Variants in DCAF6 observed in about 807,000 individuals in gnomAD.
DCAF6 encodes DDB1- and CUL4-associated factor 6.
DCAF6 carries 54 observed loss-of-function variants against 125.1 expected under a neutral mutation model. That is an observed-to-expected ratio of 0.43 (90% CI 0.35 to 0.54). The LOEUF is 0.54. DCAF6 is among the 20% of genes least tolerant of loss of function. DCAF6 has a pLI of 0.01. For missense variants in DCAF6, 934 were observed against 1,161.7 expected (o/e 0.80, Z 2.85); for synonymous variants, 371 against 390.4 (o/e 0.95, Z 0.58).
chr1:167,901,093 C>T, the DCAF6 span, among the ~76,000 whole-genome samples: 17 of 152,102 alleles, frequency 1.1e-4, no homozygotes, highest in Non-Finnish European at 1.9e-4. Context: ...ATATAGTGTG[C>T]GTAATGTTTG....
chr1:168,064,970 C>T (rs1286767942), intron 18 of DCAF6, among the ~76,000 whole-genome samples: 1 of 152,110 alleles, frequency 6.6e-6, no homozygotes, highest in Admixed American at 6.6e-5. Flanking sequence ...TAATGATCTT[C>T]TTTCTATTCT....
the DCAF6 span, among the ~76,000 whole-genome samples, chr1:167,929,423 C>T: frequency 2.0e-5 from 3 of 152,060 alleles, no homozygotes; most frequent in Non-Finnish European, 4.4e-5. Flanking sequence ...ATGAAAAATA[C>T]TGACTATAAG....
chr1:167,925,452 T>C, the DCAF6 span, among the ~76,000 whole-genome samples: 1 of 112,588 alleles, frequency 8.9e-6, no homozygotes, highest in Non-Finnish European at 1.8e-5. Flanking sequence ...CATATATATA[T>C]ATATATATAT....
chr1:168,021,217 A>C (rs1193160180), intron 11 of DCAF6, among the ~76,000 whole-genome samples: 1 of 152,146 alleles, frequency 6.6e-6, no homozygotes, highest in African/African-American at 2.4e-5. Context: ...TTTTTTAGAA[A>C]AAATAAATGT....
rs1681137156 is a variant in DCAF6 at position 167,993,290 on chromosome 1, T to G, written c.753T>G (p.Asn251Lys). The change falls in exon 7 of 22, where the codon AAT (asparagine) becomes AAG (lysine). Residue 251 changes from asparagine (N) to lysine (K), a missense_variant. Transcript: ENST00000367840. ...VARFIPSHLN[N>K]KSCRVTSLCY... ...GTTTTATTCCTTCCCATCTTAATAATAAGTCCTGCAGAGTGACATCTCTGT... is the reference window on the plus strand; with the variant it reads ...GTTTTATTCCTTCCCATCTTAATAAGAAGTCCTGCAGAGTGACATCTCTGT... 1 of 1,613,970 alleles carries G rather than the reference T, an allele frequency of 6.2e-7. No homozygotes were observed. Among genetic ancestry groups the G allele is most frequent in the African/African-American group, 1.3e-5 (1 of 74,932 alleles).
chr1:168,044,969 A>G lies in DCAF6; in HGVS notation c.2000A>G (p.Asp667Gly). The G allele has an allele frequency of 6.2e-7, 1 of 1,614,132 alleles. No homozygotes were observed. The highest frequency in any genetic ancestry group is 8.5e-7 in the Non-Finnish European group (1 of 1,179,978). ...GGAGAAAGAAATGACCTCAATCTTG[A>G]TCGCTCTTGTGGGGTTCCAGAAGAA... is the stretch of plus-strand genomic sequence containing the variant. ...NSGERNDLNL[D>G]RSCGVPEESA... The change falls in exon 16 of 22, where the codon GAT (aspartate) becomes GGT (glycine). Residue 667 changes from aspartate to glycine, a missense_variant. Coordinates refer to ENST00000367840, the MANE Select transcript of DCAF6 (RefSeq NM_001198956.2).
chr1:167,994,603 A>G (rs561673344), intron 7 of DCAF6, among the ~76,000 whole-genome samples: 1 of 152,338 alleles, frequency 6.6e-6, no homozygotes, highest in East Asian at 1.9e-4. Flanking sequence ...CTTTCACAAG[A>G]CTACTAGAAG....
chr1:168,065,666 G>T lies in DCAF6; in HGVS notation c.2516G>T (p.Arg839Leu). Residue 839 changes from arginine to leucine, a missense_variant, in exon 19 of 22, where the codon CGG (arginine) becomes CTG (leucine). Physicochemically the swap from Arg to Leu is moderately radical, Grantham distance 102 (BLOSUM62 -2). Transcript: ENST00000367840. ...SDCGHIFIWD[R>L]HTAEHLMLLE... ...TGTGGCCACATTTTCATCTGGGATC[G>T]GCACACTGCTGAGCATTTGATGCTT... The T allele has an allele frequency of 6.2e-7, 1 of 1,613,248 alleles. No homozygotes were observed. Among genetic ancestry groups the T allele is most frequent in the Non-Finnish European group, 8.5e-7 (1 of 1,179,570 alleles).
chr1:168,059,077 T>C lies in DCAF6; in HGVS notation c.2301-4544T>C, dbSNP rs1691264736. On this transcript the variant is annotated intron_variant, in intron 17 of 21. Transcript: ENST00000367840. ...TTTCACATTAAATTTTATCAATCTT[T>C]TATGCTTGTCACTTTCTTTTATTTA... 3.3e-5 allele frequency among the ~76,000 whole-genome samples: 5 copies of C among 152,340 alleles called. No individual in the cohort carries two copies. In the South Asian group the frequency reaches 1.0e-3, roughly 32 times the overall value.
At chr1:167,946,548 G>T (rs1673115673) in intron 1 of DCAF6, among the ~76,000 whole-genome samples, 1 of 152,074 alleles carries the variant, frequency 6.6e-6, no homozygotes. Flanking sequence ...TGATCTTTCT[G>T]TGCCTAGTTT....
chr1:167,865,468 C>G, the DCAF6 span, among the ~76,000 whole-genome samples: 3 of 152,078 alleles, frequency 2.0e-5, no homozygotes, highest in Admixed American at 6.5e-5. Flanking sequence ...TATGGTCAAA[C>G]ATGAAAAATT....
At chr1:167,981,775 C>T (rs962583577) in intron 4 of DCAF6, among the ~76,000 whole-genome samples, 1 of 152,156 alleles carries the variant, frequency 6.6e-6, no homozygotes, top group Non-Finnish European at 1.5e-5. Context: ...ATTCAGTCCA[C>T]CATTGATGGG....
At chr1:167,875,895 G>A in the DCAF6 span, among the ~76,000 whole-genome samples, 1 of 152,114 alleles carries the variant, frequency 6.6e-6, no homozygotes, top group Non-Finnish European at 1.5e-5. Context: ...GGAGCTTGCA[G>A]TGAGCCGAGA....
At chr1:168,072,905 A>T (rs749345528) in intron 21 of DCAF6, among the ~76,000 whole-genome samples, 1 of 152,186 alleles carries the variant, frequency 6.6e-6, no homozygotes, top group African/African-American at 2.4e-5. Context: ...AATAAAAGGA[A>T]CCTTTCTACA....
intron 17 of DCAF6, among the ~76,000 whole-genome samples, chr1:168,058,025 TATAAAC>T (rs796646196): frequency 3.4e-4 from 52 of 152,318 alleles, no homozygotes; most frequent in African/African-American, 1.2e-3. Context: ...AACATAAACA[TATAAAC>T]ATAAAGTTTT....
At chr1:167,885,260 G>T in the DCAF6 span, among the ~76,000 whole-genome samples, 3 of 152,150 alleles carry the variant, frequency 2.0e-5, no homozygotes, top group African/African-American at 4.8e-5. Context: ...GGGAGTGTAG[G>T]TATCTCTTCA....
intron 11 of DCAF6, 89 bp from the exon 12 acceptor site, chr1:168,022,899 A>G: frequency 8.3e-7 from 1 of 1,208,198 alleles, no homozygotes; most frequent in Non-Finnish European, 1.2e-6. Context: ...AGCCTTATAC[A>G]TTTGTTTCTT....
chr1:168,000,761 A>G (rs1682498117), intron 7 of DCAF6, among the ~76,000 whole-genome samples: 1 of 152,110 alleles, frequency 6.6e-6, no homozygotes, highest in South Asian at 2.1e-4. Flanking sequence ...CATGTATTGT[A>G]TGATTATTTA....
chr1:167,904,464 C>G, the DCAF6 span: 124 of 211,116 alleles, frequency 5.9e-4, 1 homozygote, highest in South Asian at 9.4e-3. Context: ...GCAGCCTCCT[C>G]TAGCTATTAT....
Sources: gnomAD v4.1 joint callset for allele counts (sites outside exome capture counted in the v4.1 genomes callset) on GRCh38, gnomAD v4.1.1 for gene constraint, MANE v1.5 for transcripts, NCBI Gene and HGNC (gene_info 2026-07-23, HGNC 2026-07-21) for gene names.